The following PTPRT variants were observed in gnomAD, a reference collection of about 807,000 sequenced individuals.
PTPRT encodes protein tyrosine phosphatase receptor type T, also known as receptor-type tyrosine-protein phosphatase T.
A neutral mutation model predicts 176.8 loss-of-function variants in PTPRT; 56 were observed. That is an observed-to-expected ratio of 0.32 (90% CI 0.26 to 0.40). The LOEUF (loss-of-function observed/expected upper bound fraction) is 0.40, where lower values mean the gene tolerates loss of function less well. Among genes scored for constraint, PTPRT ranks in the 10% least tolerant of loss-of-function variants. The probability of loss-of-function intolerance (pLI) is 1.00; values close to 1 mark genes in which losing one functional copy is unlikely to be tolerated. For synonymous variants in PTPRT, 783 were observed against 739.0 expected (o/e 1.06, Z -0.96); for missense variants, 1,540 against 1,908.2 (o/e 0.81, Z 3.60).
At chr20:42,685,931 T>A (rs2075683297) in intron 6 of PTPRT, 1 of 152,096 alleles carries the variant, frequency 6.6e-6, no homozygotes, top group African/African-American at 2.4e-5. Flanking sequence ...CAATCTCCCC[T>A]CCTATCTGCC....
At chr20:42,184,598 T>TTCTTCTTCTTCC (rs1568652541) in intron 16 of PTPRT, among the ~76,000 whole-genome samples, 3 of 139,686 alleles carry the variant, frequency 2.1e-5, no homozygotes, top group East Asian at 2.1e-4. Context: ...CTTCTTCCTC[T>TTCTTCTTCTTCC]TCTTCTTCTT....
intron 7 of PTPRT, among the ~76,000 whole-genome samples, chr20:42,631,394 G>A (rs572956698): frequency 2.2e-4 from 34 of 152,292 alleles, no homozygotes; most frequent in African/African-American, 7.5e-4. Flanking sequence ...ATCTACACAT[G>A]AAAATACTCA....
At chr20:42,440,473 GTTTC>G (rs1000319189) in intron 9 of PTPRT, among the ~76,000 whole-genome samples, 5 of 149,294 alleles carry the variant, frequency 3.3e-5, no homozygotes, top group Non-Finnish European at 6.0e-5. Flanking sequence ...TATATTAGTT[GTTTC>G]TTTCTTTTTT....
intron 7 of PTPRT, among the ~76,000 whole-genome samples, chr20:42,476,714 C>G (rs141648163): frequency 6.6e-6 from 1 of 152,144 alleles, no homozygotes; most frequent in Non-Finnish European, 1.5e-5. Context: ...TCTGAGAACT[C>G]GCATTCAGGA....
chr20:42,931,751 G>GAGCC (rs1366222092), intron 1 of PTPRT, among the ~76,000 whole-genome samples: 1 of 152,172 alleles, frequency 6.6e-6, no homozygotes, highest in Non-Finnish European at 1.5e-5. Flanking sequence ...ACAAGTATTT[G>GAGCC]TCAAAGGATT....
At chr20:42,986,889 G>A (rs1033140091) in intron 1 of PTPRT, among the ~76,000 whole-genome samples, 10 of 152,210 alleles carry the variant, frequency 6.6e-5, no homozygotes, top group African/African-American at 2.2e-4. Flanking sequence ...GCTGGGGACA[G>A]ACTCTCCTCT....
At chr20:42,540,558 T>C (rs1192626579) in intron 7 of PTPRT, among the ~76,000 whole-genome samples, 1 of 152,134 alleles carries the variant, frequency 6.6e-6, no homozygotes, top group Non-Finnish European at 1.5e-5. Flanking sequence ...CCAGCAGCTC[T>C]GGGAGAGCTT....
chr20:42,588,446 CA>C (rs370902399), intron 7 of PTPRT, among the ~76,000 whole-genome samples: 2,079 of 149,108 alleles, frequency 0.014, 22 homozygotes, highest in Middle Eastern at 0.038. Context: ...AAACTGTCCC[CA>C]AAAAAAAAGC....
At chr20:42,105,504 G>C (rs1986354781) in intron 24 of PTPRT, among the ~76,000 whole-genome samples, 1 of 152,156 alleles carries the variant, frequency 6.6e-6, no homozygotes, top group South Asian at 2.1e-4. Flanking sequence ...TAATCCACCA[G>C]GCAGAAGTTG....
chr20:42,643,250 T>C (rs2074804197), intron 7 of PTPRT, among the ~76,000 whole-genome samples: 1 of 152,194 alleles, frequency 6.6e-6, no homozygotes, highest in African/African-American at 2.4e-5. Flanking sequence ...GCCAAAATTC[T>C]ACATGGATTG....
chr20:42,579,360 A>T (rs1015096369), intron 7 of PTPRT, among the ~76,000 whole-genome samples: 3 of 152,142 alleles, frequency 2.0e-5, no homozygotes, highest in Non-Finnish European at 4.4e-5. Context: ...ATAGTGCTGC[A>T]ATAAACATGC....
At chr20:42,411,263 G>A (rs938991780) in intron 9 of PTPRT, among the ~76,000 whole-genome samples, 1 of 151,954 alleles carries the variant, frequency 6.6e-6, no homozygotes, top group Non-Finnish European at 1.5e-5. Context: ...TGGCCAACAC[G>A]GTGAAACCCC....
intron 7 of PTPRT, among the ~76,000 whole-genome samples, chr20:42,548,248 C>T (rs6016818): frequency 6.6e-6 from 1 of 151,808 alleles, no homozygotes; most frequent in Non-Finnish European, 1.5e-5. Flanking sequence ...GAAAGAATAA[C>T]AATCCATGAC....
chr20:42,322,153 A>T (rs2057808497), intron 11 of PTPRT, among the ~76,000 whole-genome samples: 1 of 152,142 alleles, frequency 6.6e-6, no homozygotes, highest in African/African-American at 2.4e-5. Context: ...ATGGGTAGGA[A>T]GAATCAATAT....
At chr20:42,918,330 C>T (rs767528084) in intron 1 of PTPRT, among the ~76,000 whole-genome samples, 4 of 152,178 alleles carry the variant, frequency 2.6e-5, no homozygotes, top group Non-Finnish European at 5.9e-5. Flanking sequence ...ACCACCTTTC[C>T]CTGTACAGCT....
chr20:42,265,954 G>C (rs1371300848), intron 13 of PTPRT, among the ~76,000 whole-genome samples: 1 of 152,084 alleles, frequency 6.6e-6, no homozygotes, highest in Non-Finnish European at 1.5e-5. Context: ...ACTGTGCCAA[G>C]GCCGTGATTT....
At chr20:42,906,535 C>A (rs2079480576) in intron 1 of PTPRT, among the ~76,000 whole-genome samples, 1 of 152,212 alleles carries the variant, frequency 6.6e-6, no homozygotes, top group Non-Finnish European at 1.5e-5. Context: ...GGCAGGGGGT[C>A]TAGTTGAGCT....
chr20:42,708,509 T>C (rs2076094861), intron 6 of PTPRT, among the ~76,000 whole-genome samples: 1 of 152,104 alleles, frequency 6.6e-6, no homozygotes, highest in Non-Finnish European at 1.5e-5. Flanking sequence ...TTGTGGCCAT[T>C]CTCCTCCCTG....
At chr20:43,076,619 G>A (rs929292289) in intron 1 of PTPRT, among the ~76,000 whole-genome samples, 2 of 152,082 alleles carry the variant, frequency 1.3e-5, no homozygotes, top group Non-Finnish European at 2.9e-5. Context: ...GAACTCAGAG[G>A]CCACCTACTA....
Sources: allele counts gnomAD v4.1 joint callset (sites outside exome capture counted in the v4.1 genomes callset), GRCh38; gene constraint gnomAD v4.1.1; transcripts MANE v1.5; gene names NCBI Gene and HGNC (gene_info 2026-07-23, HGNC 2026-07-21).